Variants in CNPY1 observed in about 807,000 individuals in gnomAD.
The protein encoded by CNPY1 is protein canopy homolog 1.
Under a neutral mutation model 14.4 loss-of-function variants are expected in CNPY1, and 14 were observed. That is an observed-to-expected ratio of 0.97 (90% CI 0.64 to 1.52). CNPY1 has a LOEUF of 1.52. Among genes scored for constraint, CNPY1 ranks in the 40% most tolerant of loss-of-function variants. CNPY1 has a pLI of 0.00. For synonymous variants in CNPY1, 43 were observed against 46.5 expected (o/e 0.92, Z 0.31); for missense variants, 129 against 131.5 (o/e 0.98, Z 0.09).
At chr7:155,507,443 G>C (rs1200345325) in intron 3 of CNPY1, among the ~76,000 whole-genome samples, 2 of 116,492 alleles carry the variant, frequency 1.7e-5, no homozygotes, top group African/African-American at 3.8e-5. Context: ...CCTATCGAAG[G>C]AGCTGAAAAG....
At chr7:155,512,288 A>T (rs1254468559) in intron 2 of CNPY1, among the ~76,000 whole-genome samples, 3 of 152,236 alleles carry the variant, frequency 2.0e-5, no homozygotes, top group Non-Finnish European at 4.4e-5. Flanking sequence ...ACAAGTTATA[A>T]GTAGAAAAAT....
At chr7:155,540,484 C>T (rs916442343) in intron 2 of CNPY1, among the ~76,000 whole-genome samples, 2 of 152,238 alleles carry the variant, frequency 1.3e-5, no homozygotes, top group African/African-American at 2.4e-5. Flanking sequence ...CCCAGTTTAC[C>T]TCCCAGAGTT....
chr7:155,541,103 C>T (rs1797078912), intron 2 of CNPY1, among the ~76,000 whole-genome samples: 1 of 152,192 alleles, frequency 6.6e-6, no homozygotes, highest in Admixed American at 6.5e-5. Context: ...ACGGTGGCAG[C>T]AGGGGTGGTC....
Position 155,503,110 on chromosome 7 carries a change from A to AC in CNPY1, c.401-6_401-5insG. 6.0e-6 allele frequency: 1 copy of AC among 166,924 alleles called. No individual in the cohort carries two copies. The highest frequency in any genetic ancestry group is 8.3e-6 in the Non-Finnish European group (1 of 119,802). The allele number at this position is 166,924 out of a possible 1,614,324, so 10.3% of individuals were successfully genotyped here. On this transcript the variant is annotated splice_region_variant and splice_polypyrimidine_tract_variant and intron_variant, in intron 4 of 4. Coordinates refer to ENST00000636446, the MANE Select transcript of CNPY1 (RefSeq NM_001393663.1). ...TAGCAGAAGTTTCACACAGATCTGGAAAAAAAAAAAAAAGTAGATAGCATC... is the reference window on the plus strand; with the variant it reads ...TAGCAGAAGTTTCACACAGATCTGGACAAAAAAAAAAAAAGTAGATAGCATC...
chr7:155,528,182 C>T (rs1796864520), intron 2 of CNPY1, among the ~76,000 whole-genome samples: 1 of 152,216 alleles, frequency 6.6e-6, no homozygotes, highest in Non-Finnish European at 1.5e-5. Flanking sequence ...CCCAAAGAGC[C>T]TAATTAACTT....
intron 4 of CNPY1, among the ~76,000 whole-genome samples, chr7:155,505,524 A>G (rs1796274902): frequency 6.6e-6 from 1 of 152,212 alleles, no homozygotes. Flanking sequence ...CAAATTGACA[A>G]ACTTGGGAGC....
chr7:155,503,040 C>G lies in CNPY1; in HGVS notation c.*28G>C. The G allele has an allele frequency of 6.2e-7, 1 of 1,604,138 alleles. No homozygotes were observed. Among genetic ancestry groups the G allele is most frequent in the Non-Finnish European group, 8.5e-7 (1 of 1,174,438 alleles). The stretch of plus-strand genomic sequence containing the variant: ...ATTGACCTTTGGGTGTGACTTTACT[C>G]CTCTCTACGACCAGCAGAACGGCAC... On this transcript the variant is annotated 3_prime_UTR_variant, in exon 5 of 5. Coordinates refer to ENST00000636446, the MANE Select transcript of CNPY1 (RefSeq NM_001393663.1).
intron 2 of CNPY1, among the ~76,000 whole-genome samples, chr7:155,526,279 C>T (rs1007638648): frequency 2.0e-5 from 3 of 152,192 alleles, no homozygotes; most frequent in African/African-American, 7.2e-5. Flanking sequence ...GATGTTCACC[C>T]AGGAAACACC....
At chr7:155,508,088 A>C (rs1190827673) in intron 3 of CNPY1, among the ~76,000 whole-genome samples, 1 of 152,224 alleles carries the variant, frequency 6.6e-6, no homozygotes, top group African/African-American at 2.4e-5. Context: ...CCCTTATTTC[A>C]AGGTTTCAGC....
chr7:155,503,389 TTG>T (rs1418449605), intron 4 of CNPY1, among the ~76,000 whole-genome samples: 11 of 152,110 alleles, frequency 7.2e-5, no homozygotes, highest in African/African-American at 2.7e-4. Context: ...GGCCAAGGTA[TTG>T]TGTCATTTCA....
chr7:155,507,641 C>T (rs1344025970), intron 3 of CNPY1, among the ~76,000 whole-genome samples: 3 of 152,116 alleles, frequency 2.0e-5, no homozygotes, highest in South Asian at 4.1e-4. Flanking sequence ...CTGTGGAGAA[C>T]ACCCTTGACA....
chr7:155,512,407 T>G (rs1191387977), intron 2 of CNPY1, among the ~76,000 whole-genome samples: 2 of 152,188 alleles, frequency 1.3e-5, no homozygotes, highest in East Asian at 3.8e-4. Context: ...ACTTCCTAAA[T>G]GCAGTGCCTA....
chr7:155,541,545 C>G (rs1797084203), intron 2 of CNPY1, among the ~76,000 whole-genome samples: 1 of 152,218 alleles, frequency 6.6e-6, no homozygotes. Context: ...ACATGACCCA[C>G]ACCTTCCTCC....
chr7:155,546,403 G>T, intron 1 of CNPY1, 26 bp downstream of exon 1: 1 of 398,016 alleles, frequency 2.5e-6, no homozygotes, highest in African/African-American at 2.1e-5. Flanking sequence ...GCCCAGGTAG[G>T]TCTTGAACTC....
intron 2 of CNPY1, among the ~76,000 whole-genome samples, chr7:155,528,650 C>T (rs908573770): frequency 6.6e-6 from 1 of 152,250 alleles, no homozygotes; most frequent in African/African-American, 2.4e-5. Flanking sequence ...AGGACACTGT[C>T]TCCGCTGCCA....
intron 2 of CNPY1, among the ~76,000 whole-genome samples, chr7:155,534,113 TA>T (rs1397649921): frequency 1.3e-5 from 2 of 152,154 alleles, no homozygotes; most frequent in Admixed American, 1.3e-4. Context: ...TGCAGCGGGT[TA>T]GGGGCCCCAA....
intron 2 of CNPY1, among the ~76,000 whole-genome samples, chr7:155,514,318 A>C (rs1163740436): frequency 1.3e-5 from 2 of 152,218 alleles, no homozygotes; most frequent in African/African-American, 4.8e-5. Flanking sequence ...GCCCAGTGGA[A>C]GTCCAATAAA....
intron 4 of CNPY1, chr7:155,506,467 T>C (rs11984100): frequency 0.083 from 12,757 of 153,902 alleles, 1,757 homozygotes; most frequent in African/African-American, 0.29. Context: ...AATTAACTAT[T>C]ATTTTCCACC....
chr7:155,533,970 AGGGGGT>A (rs1158662193), intron 2 of CNPY1: 2 of 151,616 alleles, frequency 1.3e-5, no homozygotes, highest in Non-Finnish European at 2.9e-5. Context: ...TGGGAGGGGG[AGGGGGT>A]GTTAACCCCT....
Sources: allele counts gnomAD v4.1 joint callset (sites outside exome capture counted in the v4.1 genomes callset), GRCh38; gene constraint gnomAD v4.1.1; transcripts MANE v1.5; gene names NCBI Gene and HGNC (gene_info 2026-07-23, HGNC 2026-07-21).